The following TMPRSS9 variants were observed in gnomAD, a reference collection of about 807,000 sequenced individuals.
TMPRSS9 encodes transmembrane serine protease 9.
A neutral mutation model predicts 111.4 loss-of-function variants in TMPRSS9; 113 were observed. The ratio of observed to expected loss-of-function variants is 1.01; its 90% CI spans 0.87 to 1.19. The LOEUF is 1.19. TMPRSS9 is among the 50% of genes most tolerant of loss of function. The pLI is 0.00. For missense variants in TMPRSS9, 1,803 were observed against 1,513.1 expected (o/e 1.19, Z -3.18); for synonymous variants, 805 against 659.1 (o/e 1.22, Z -3.39).
At chr19:2,411,938 G>T (rs901828822) in intron 9 of TMPRSS9, among the ~76,000 whole-genome samples, 5 of 152,052 alleles carry the variant, frequency 3.3e-5, no homozygotes, top group African/African-American at 1.2e-4. Flanking sequence ...TTCTTGTTTC[G>T]TGGATACCAT....
intron 1 of TMPRSS9, among the ~76,000 whole-genome samples, chr19:2,383,591 C>T (rs1436560826): frequency 6.6e-6 from 1 of 150,966 alleles, no homozygotes; most frequent in Non-Finnish European, 1.5e-5. Flanking sequence ...CTATCTCGGC[C>T]TCCCAAGGTG....
intron 10 of TMPRSS9, 143 bp downstream of exon 11, chr19:2,414,161 C>T (rs774900320): frequency 2.0e-5 from 17 of 841,892 alleles, no homozygotes; most frequent in East Asian, 2.7e-5. Context: ...TCCCATCTTA[C>T]GTTGCGTGTA....
At chr19:2,379,421 G>A (rs750248504) in intron 1 of TMPRSS9, among the ~76,000 whole-genome samples, 12 of 151,788 alleles carry the variant, frequency 7.9e-5, no homozygotes, top group Non-Finnish European at 1.3e-4. Context: ...TCCTGACCTC[G>A]TGTTCTGCCC....
chr19:2,366,897 C>A (rs1970251732), intron 1 of TMPRSS9, among the ~76,000 whole-genome samples: 1 of 150,392 alleles, frequency 6.6e-6, no homozygotes. Context: ...AGGGCTGCCT[C>A]ATCTGAAAGC....
intron 9 of TMPRSS9, among the ~76,000 whole-genome samples, 160 bp downstream of exon 10, chr19:2,410,554 T>TTGAA (rs1971074457): frequency 6.6e-6 from 1 of 152,160 alleles, no homozygotes. Flanking sequence ...GCTGGGCGAT[T>TTGAA]CACAGATATC....
intron 1 of TMPRSS9, among the ~76,000 whole-genome samples, chr19:2,375,386 A>C (rs1970323836): frequency 6.9e-6 from 1 of 145,222 alleles, no homozygotes; most frequent in African/African-American, 2.7e-5. Context: ...TGTGATTGCT[A>C]GGTCAGGGTC....
intron 6 of TMPRSS9, among the ~76,000 whole-genome samples, chr19:2,403,820 C>T (rs1223359509): frequency 6.6e-6 from 1 of 151,882 alleles, no homozygotes; most frequent in Non-Finnish European, 1.5e-5. Flanking sequence ...GGTGAAACCC[C>T]CTCTCTACTA....
At chr19:2,400,859 A>G (rs999008209) in intron 4 of TMPRSS9, among the ~76,000 whole-genome samples, 1 of 150,874 alleles carries the variant, frequency 6.6e-6, no homozygotes, top group African/African-American at 2.5e-5. Context: ...CTATAATCCC[A>G]GCTACTTGGG....
At position 2,410,442 on chromosome 19, in the gene TMPRSS9, G is replaced by A. The variant is rs771625926; in HGVS notation, c.1254+48G>A. 7.5e-5 allele frequency: 121 copies of A among 1,604,846 alleles called. 1 individual carries two copies. Among genetic ancestry groups the A allele is most frequent in the Middle Eastern group, 1.6e-4 (1 of 6,068 alleles). On this transcript the variant is annotated intron_variant, in intron 9 of 17. Coordinates refer to ENST00000648592, the Ensembl canonical transcript of TMPRSS9. ...CCCAGAAAAACACAGAAATAGACAC[G>A]AGCATGTTCAAATGCTGAGCAATTC... is the stretch of plus-strand genomic sequence containing the variant.
intron 13 of TMPRSS9, among the ~76,000 whole-genome samples, chr19:2,421,034 C>T (rs893812979): frequency 1.3e-5 from 2 of 151,876 alleles, no homozygotes; most frequent in African/African-American, 4.8e-5. Context: ...GTGAAGCCCC[C>T]ATCTCTACTA....
chr19:2,408,476 C>T, exon 8 of TMPRSS9: 1 of 1,613,942 alleles, frequency 6.2e-7, no homozygotes, highest in Non-Finnish European at 8.5e-7. Flanking sequence ...ACAACGCGGA[C>T]ACGGCCGACT....
At position 2,363,670 on chromosome 19, in the gene TMPRSS9, G is replaced by T. The variant is rs189844779; in HGVS notation, c.-26+3310G>T. 1.8e-3 allele frequency among the ~76,000 whole-genome samples: 276 copies of T among 151,774 alleles called. 1 individual carries two copies. The highest frequency in any genetic ancestry group is 6.5e-3 in the African/African-American group (269 of 41,326). ...CAGGGTTTAGAGCTCCCGGCCCTGC[G>T]CCCCTCGGTCCCCCAGGCTCACCTG... On this transcript the variant is annotated intron_variant, in intron 1 of 17. Coordinates refer to the TMPRSS9 transcript ENST00000649857.
upstream of TMPRSS9, among the ~76,000 whole-genome samples, chr19:2,386,287 C>T (rs184376352): frequency 2.7e-3 from 407 of 152,040 alleles, 1 homozygote; most frequent in Middle Eastern, 0.02. Context: ...GGGCAGATCA[C>T]GAGATCAGGA....
intron 1 of TMPRSS9, among the ~76,000 whole-genome samples, chr19:2,373,304 C>T (rs762554519): frequency 1.3e-5 from 2 of 152,146 alleles, no homozygotes; most frequent in Non-Finnish European, 1.5e-5. Flanking sequence ...AATCTGGGCT[C>T]ACTTCAACCT....
rs1430261792 is a variant in TMPRSS9, at chr19:2,402,596, G to A, written c.557-486G>A. Reference sequence around the variant, plus strand: ...CTCACTAAAAATACAAAATTAGCCAGGCGTGGTGGGGCGTGCCTGTAATCC... The same window carrying A: ...CTCACTAAAAATACAAAATTAGCCAAGCGTGGTGGGGCGTGCCTGTAATCC... On this transcript the variant is annotated intron_variant, in intron 5 of 17. Transcript: ENST00000648592. 2.0e-5 allele frequency among the ~76,000 whole-genome samples: 3 copies of A among 152,216 alleles called. No homozygotes were observed. The East Asian group carries it at 5.8e-4, about 29-fold the overall frequency.
At chr19:2,415,277 T>A (rs1971201044) in intron 10 of TMPRSS9, among the ~76,000 whole-genome samples, 1 of 151,896 alleles carries the variant, frequency 6.6e-6, no homozygotes, top group Admixed American at 6.6e-5. Flanking sequence ...CACCCCACAC[T>A]CTGTTCCGAA....
exon 8 of TMPRSS9, chr19:2,408,512 C>T (rs1971020530): frequency 1.2e-6 from 2 of 1,613,874 alleles, no homozygotes; most frequent in African/African-American, 1.3e-5. Flanking sequence ...TGGAGCTGAC[C>T]AGCCCTCTGC....
intron 4 of TMPRSS9, among the ~76,000 whole-genome samples, chr19:2,401,543 A>C (rs1874878902): frequency 6.6e-6 from 1 of 152,268 alleles, no homozygotes; most frequent in African/African-American, 2.4e-5. Context: ...AAGTGACGCC[A>C]GGGTGGACAA....
chr19:2,425,265 GAGGT>G lies in TMPRSS9; in HGVS notation c.2983+2_2983+5del. 6 of 1,311,876 alleles carry G rather than the reference GAGGT, an allele frequency of 4.6e-6. No homozygotes were observed. Among genetic ancestry groups the G allele is most frequent in the Non-Finnish European group, 5.8e-6 (6 of 1,031,422 alleles). The allele number at this position is 1,311,876 out of a possible 1,614,324, so 81.3% of individuals were successfully genotyped here. On this transcript the variant is annotated splice_donor_variant and coding_sequence_variant, in exon 16 of 18. Coordinates refer to ENST00000648592, the Ensembl canonical transcript of TMPRSS9. LOFTEE classifies it high-confidence loss of function. ...ACCGGCTGGGGCTCGGTGCGCGAAG[GAGGT>G]AGGCGCGCCCGGGGCCGCGGTGGTG...
Sources: allele counts gnomAD v4.1 joint callset (sites outside exome capture counted in the v4.1 genomes callset), GRCh38; gene constraint gnomAD v4.1.1; transcripts MANE v1.5; gene names NCBI Gene and HGNC (gene_info 2026-07-23, HGNC 2026-07-21).